The following SLC44A5 variants were observed in gnomAD, a reference collection of about 807,000 sequenced individuals.
SLC44A5 encodes the protein solute carrier family 44 member 5.
SLC44A5 carries 57 observed loss-of-function variants against 101.8 expected under a neutral mutation model. The ratio of observed to expected loss-of-function variants is 0.56; its 90% CI spans 0.45 to 0.70. The LOEUF is 0.70. SLC44A5 is among the 30% of genes least tolerant of loss of function. The pLI, the probability that SLC44A5 is intolerant of heterozygous loss-of-function variation, is 0.00. For synonymous variants in SLC44A5, 281 were observed against 290.9 expected (o/e 0.97, Z 0.35); for missense variants, 737 against 853.1 (o/e 0.86, Z 1.70).
In SLC44A5 at chr1:75,407,921, C is replaced by T. The variant is rs530334960; in HGVS notation, c.14-11300G>A. On this transcript the variant is annotated intron_variant, in intron 2 of 23. Transcript: ENST00000370859. ...AAAGAAACTATCATCAGCGTGAACA[C>T]ACAACCTACAGAATGGGAGAAAATT... 7.3e-4 allele frequency among the ~76,000 whole-genome samples: 111 copies of T among 152,234 alleles called. 1 individual carries two copies. Among genetic ancestry groups the T allele is most frequent in the South Asian group, 1.2e-3 (6 of 4,826 alleles).
intron 2 of SLC44A5, among the ~76,000 whole-genome samples, chr1:75,537,033 A>AATATATATATATATATATAT (rs61399659): frequency 2.3e-5 from 1 of 43,026 alleles, no homozygotes; most frequent in African/African-American, 5.4e-5. Context: ...AAAAAAAAAA[A>AATATATATATATATATATAT]ATATATATCT....
At chr1:75,632,041 T>G in the SLC44A5 span, among the ~76,000 whole-genome samples, 3 of 152,182 alleles carry the variant, frequency 2.0e-5, no homozygotes, top group Non-Finnish European at 1.5e-5. Context: ...GGAAATTTAA[T>G]TTTAAGGAGA....
rs1199350125 is a variant in SLC44A5 at position 75,325,767 on chromosome 1, T to C, written c.101+13815A>G. Reference sequence around the variant, plus strand: ...GGTCGTGTGCATGCATGCGTGTGTGTGTGTGTGTGTGTAGAGTATCCCTTA... The same window carrying C: ...GGTCGTGTGCATGCATGCGTGTGTGCGTGTGTGTGTGTAGAGTATCCCTTA... On this transcript the variant is annotated intron_variant, in intron 4 of 23. Transcript: ENST00000370859. Among the ~76,000 whole-genome samples the C allele has an allele frequency of 2.5e-4, 38 of 151,904 alleles. 1 individual carries two copies. The highest frequency in any genetic ancestry group is 2.5e-3 in the Admixed American group (38 of 15,214).
chr1:75,277,495 A>G (rs1282987911), intron 5 of SLC44A5, among the ~76,000 whole-genome samples: 2 of 152,202 alleles, frequency 1.3e-5, no homozygotes, highest in East Asian at 3.9e-4. Flanking sequence ...TGTGGTTTTA[A>G]CCACCAAACT....
chr1:75,459,306 C>A (rs1273808005), intron 2 of SLC44A5, among the ~76,000 whole-genome samples: 3 of 152,106 alleles, frequency 2.0e-5, no homozygotes, highest in Non-Finnish European at 2.9e-5. Context: ...TTAGTATTTA[C>A]AAAGTTCCGT....
chr1:75,677,276 T>C, the SLC44A5 span, among the ~76,000 whole-genome samples: 39,695 of 152,050 alleles, frequency 0.26, 6,443 homozygotes, highest in East Asian at 0.68. Flanking sequence ...TCAAAAATAA[T>C]AACTACAAAA....
chr1:75,457,413 A>T (rs1666248123), intron 2 of SLC44A5, among the ~76,000 whole-genome samples: 1 of 152,232 alleles, frequency 6.6e-6, no homozygotes, highest in South Asian at 2.1e-4. Context: ...GCCTTCCAAA[A>T]GGAAGACATG....
chr1:75,400,477 G>T (rs146004661), intron 2 of SLC44A5, among the ~76,000 whole-genome samples: 283 of 152,224 alleles, frequency 1.9e-3, no homozygotes, highest in African/African-American at 6.1e-3. Flanking sequence ...GAATCTTCAG[G>T]AATCAAACCC....
intron 2 of SLC44A5, among the ~76,000 whole-genome samples, chr1:75,428,543 T>C (rs1326276697): frequency 6.6e-6 from 1 of 152,190 alleles, no homozygotes; most frequent in African/African-American, 2.4e-5. Flanking sequence ...TCCGATCAGA[T>C]GTTCTCATTG....
At chr1:75,575,348 T>A (rs946470228) in intron 1 of SLC44A5, among the ~76,000 whole-genome samples, 7 of 152,120 alleles carry the variant, frequency 4.6e-5, no homozygotes, top group Non-Finnish European at 8.8e-5. Flanking sequence ...AAGGAAAAAA[T>A]TTAGCATTTT....
intron 3 of SLC44A5, among the ~76,000 whole-genome samples, chr1:75,345,332 C>T (rs2101049792): frequency 6.6e-6 from 1 of 151,514 alleles, no homozygotes; most frequent in Middle Eastern, 3.4e-3. Flanking sequence ...TTATTTCTAC[C>T]ATCTATAAGC....
At chr1:75,420,940 G>A (rs1200294012) in intron 2 of SLC44A5, among the ~76,000 whole-genome samples, 1 of 151,894 alleles carries the variant, frequency 6.6e-6, no homozygotes, top group African/African-American at 2.4e-5. Flanking sequence ...AATGGCTATA[G>A]AATAAATAGC....
At chr1:75,723,655 G>A in the SLC44A5 span, 1 of 152,182 alleles carries the variant, frequency 6.6e-6, no homozygotes, top group Admixed American at 6.5e-5. Context: ...AGTCCGCTTT[G>A]TGTTTTACTT....
rs1647027370 is a variant in SLC44A5 at position 75,219,295 on chromosome 1, C to T, written c.1228G>A (p.Gly410Arg). 1.2e-6 allele frequency: 2 copies of T among 1,613,318 alleles called. No individual in the cohort carries two copies. The highest frequency in any genetic ancestry group is 1.7e-6 in the Non-Finnish European group (2 of 1,179,490). Residue 410 changes from glycine (G) to arginine (R), a missense_variant, in exon 16 of 24, where the codon GGG becomes AGG. Coordinates refer to ENST00000370859, the MANE Select transcript of SLC44A5 (RefSeq NM_001130058.2). ...GTTTGATTTTCATGTATACAATGCC[C>T]CCCTGGAGCTATGACTTTGTATACA... The part of the protein sequence containing the change: ...VPVYKVIAPG[G>R]HCIHENQTCD...
chr1:75,477,116 C>G (rs1667466949), intron 2 of SLC44A5, among the ~76,000 whole-genome samples: 1 of 152,226 alleles, frequency 6.6e-6, no homozygotes, highest in African/African-American at 2.4e-5. Context: ...TGTTCTGCAG[C>G]CACCGCTGCT....
chr1:75,571,697 G>A (rs1673084068), intron 1 of SLC44A5, among the ~76,000 whole-genome samples: 1 of 152,184 alleles, frequency 6.6e-6, no homozygotes, highest in Non-Finnish European at 1.5e-5. Context: ...TAGGTTAGGT[G>A]TATTAAATGC....
At chr1:75,485,229 C>G (rs993276472) in intron 2 of SLC44A5, among the ~76,000 whole-genome samples, 1 of 152,214 alleles carries the variant, frequency 6.6e-6, no homozygotes, top group African/African-American at 2.4e-5. Flanking sequence ...CCCTTTTAAA[C>G]ATAAGCTCTA....
chr1:75,697,984 C>T, the SLC44A5 span, among the ~76,000 whole-genome samples: 2 of 152,210 alleles, frequency 1.3e-5, no homozygotes, highest in Non-Finnish European at 2.9e-5. Flanking sequence ...ATATCCTGCA[C>T]ATGGCTTGGA....
intron 1 of SLC44A5, among the ~76,000 whole-genome samples, chr1:75,600,819 A>G (rs12406884): frequency 0.17 from 26,348 of 152,010 alleles, 2,596 homozygotes; most frequent in Admixed American, 0.25. Flanking sequence ...ATCTATGTGT[A>G]TAACTAGATA....
Sources: gnomAD v4.1 joint callset for allele counts (sites outside exome capture counted in the v4.1 genomes callset) on GRCh38, gnomAD v4.1.1 for gene constraint, MANE v1.5 for transcripts, NCBI Gene and HGNC (gene_info 2026-07-23, HGNC 2026-07-21) for gene names.